OPCML: variants seen among roughly 807,000 people sequenced by gnomAD.
The protein encoded by OPCML is opioid-binding protein/cell adhesion molecule.
OPCML carries 13 observed loss-of-function variants against 37.8 expected under a neutral mutation model. The ratio of observed to expected loss-of-function variants is 0.34; its 90% confidence interval spans 0.22 to 0.55. The LOEUF (loss-of-function observed/expected upper bound fraction) is 0.55, where lower values mean the gene tolerates loss of function less well. OPCML is among the 20% of genes least tolerant of loss of function. The probability of loss-of-function intolerance (pLI) is 0.91; values close to 1 mark genes in which losing one functional copy is unlikely to be tolerated. For missense variants in OPCML, 341 were observed against 435.6 expected (o/e 0.78, Z 1.93); for synonymous variants, 176 against 168.8 (o/e 1.04, Z -0.33).
intron 1 of OPCML, among the ~76,000 whole-genome samples, chr11:132,961,504 T>G (rs1946093203): frequency 6.6e-6 from 1 of 152,172 alleles, no homozygotes; most frequent in Non-Finnish European, 1.5e-5. Flanking sequence ...TTCGTAGATG[T>G]AGCAAGGAGA....
chr11:133,036,825 T>C (rs1947792499), intron 1 of OPCML, among the ~76,000 whole-genome samples: 1 of 152,192 alleles, frequency 6.6e-6, no homozygotes. Context: ...GAGGGCAGCC[T>C]GGTTTATTGG....
At chr11:132,848,520 C>T (rs1039029214) in intron 2 of OPCML, among the ~76,000 whole-genome samples, 1 of 152,194 alleles carries the variant, frequency 6.6e-6, no homozygotes, top group African/African-American at 2.4e-5. Context: ...TGTGCTTGGG[C>T]TCTGACCACA....
At chr11:133,214,474 T>G (rs1303307516) in intron 1 of OPCML, among the ~76,000 whole-genome samples, 1 of 152,216 alleles carries the variant, frequency 6.6e-6, no homozygotes, top group Non-Finnish European at 1.5e-5. Flanking sequence ...AAATTATTTT[T>G]TCGTAATGTT....
At chr11:132,535,711 G>A (rs1429988462) in intron 3 of OPCML, among the ~76,000 whole-genome samples, 2 of 152,124 alleles carry the variant, frequency 1.3e-5, no homozygotes, top group African/African-American at 4.8e-5. Context: ...CACTGGCCTT[G>A]GGGTCACACA....
chr11:133,379,664 G>T lies in OPCML; in HGVS notation c.61+152600C>A, dbSNP rs146241716. Reference sequence around the variant, plus strand: ...CTCTGTGCCGTTTCTCTAAAGTTAGGCTAAGTTCAGTATTTTGCAAGCTAT... The same window carrying T: ...CTCTGTGCCGTTTCTCTAAAGTTAGTCTAAGTTCAGTATTTTGCAAGCTAT... On this transcript the variant is annotated intron_variant, in intron 1 of 7. Coordinates refer to ENST00000524381, the MANE Select transcript of OPCML (RefSeq NM_001012393.5). Among the ~76,000 whole-genome samples, 9 of 152,210 alleles carry T rather than the reference G, an allele frequency of 5.9e-5. No individual in the cohort carries two copies. The East Asian group carries it at 1.5e-3, about 26-fold the overall frequency.
At position 133,488,713 on chromosome 11, in the gene OPCML, T is replaced by TA. The variant is rs564985389; in HGVS notation, c.61+43550dup. 2.4e-3 allele frequency among the ~76,000 whole-genome samples: 365 copies of TA among 152,132 alleles called. 1 individual carries two copies. The highest frequency in any genetic ancestry group is 6.8e-3 in the Middle Eastern group (2 of 294). On this transcript the variant is annotated intron_variant, in intron 1 of 7. Coordinates refer to ENST00000524381, the MANE Select transcript of OPCML (RefSeq NM_001012393.5). ...ACCAATGTCATTTTTCGCAGAATTA[T>TA]AAAAAACAATGCTAAATCTTATATG...
chr11:132,657,648 T>C (rs2135774530), intron 2 of OPCML, among the ~76,000 whole-genome samples: 1 of 152,274 alleles, frequency 6.6e-6, no homozygotes, highest in Non-Finnish European at 1.5e-5. Flanking sequence ...ATTTACCACC[T>C]TGGGGAAGAA....
chr11:132,436,351 T>C (rs1369504266), intron 6 of OPCML, 114 bp from the exon 7 acceptor site: 2 of 1,584,578 alleles, frequency 1.3e-6, no homozygotes, highest in African/African-American at 2.7e-5. Flanking sequence ...AGCACTTCAG[T>C]GTCCAACAGG....
At position 132,923,249 on chromosome 11, in the gene OPCML, C is replaced by G. The variant is rs545005540; in HGVS notation, c.146+19677G>C. Among the ~76,000 whole-genome samples, 103 of 151,886 alleles carry G rather than the reference C, an allele frequency of 6.8e-4. 1 individual carries two copies. The highest frequency in any genetic ancestry group is 2.4e-3 in the African/African-American group (98 of 41,438). ...TAAAAAGGTCAGACACATTTTTTTC[C>G]AAAAAATAGTGCACCAAACTAGTTT... On this transcript the variant is annotated intron_variant, in intron 2 of 7. Transcript: ENST00000524381.
chr11:133,140,513 AAATAATAAT>A (rs377272496), intron 1 of OPCML, among the ~76,000 whole-genome samples: 10 of 95,932 alleles, frequency 1.0e-4, no homozygotes, highest in South Asian at 4.9e-4. Flanking sequence ...CTCTGTCTCA[AAATAATAAT>A]AATAATAATA....
intron 2 of OPCML, among the ~76,000 whole-genome samples, chr11:132,712,866 A>G (rs1944323167): frequency 6.6e-6 from 1 of 152,184 alleles, no homozygotes; most frequent in African/African-American, 2.4e-5. Flanking sequence ...AAATAATTAT[A>G]AAGTACATTT....
At chr11:133,117,616 G>A (rs1017828046) in intron 1 of OPCML, among the ~76,000 whole-genome samples, 7 of 152,168 alleles carry the variant, frequency 4.6e-5, no homozygotes. Context: ...TCATGTGAGA[G>A]CCTGATTTTA....
At chr11:132,752,207 T>C (rs144308205) in intron 2 of OPCML, among the ~76,000 whole-genome samples, 2 of 152,108 alleles carry the variant, frequency 1.3e-5, no homozygotes, top group East Asian at 3.9e-4. Context: ...TGCTAATTAA[T>C]TGTGTATTTT....
chr11:133,505,874 C>A (rs900417532), intron 1 of OPCML, among the ~76,000 whole-genome samples: 1 of 152,126 alleles, frequency 6.6e-6, no homozygotes, highest in Non-Finnish European at 1.5e-5. Context: ...CACTCCCGGC[C>A]GACCTTCCTC....
intron 2 of OPCML, among the ~76,000 whole-genome samples, chr11:132,726,980 A>T (rs1256767999): frequency 2.0e-5 from 3 of 152,122 alleles, no homozygotes; most frequent in Non-Finnish European, 4.4e-5. Context: ...CCCTGACCCC[A>T]TGCGGAATGA....
intron 1 of OPCML, among the ~76,000 whole-genome samples, chr11:133,225,863 G>T (rs1940015387): frequency 6.6e-6 from 1 of 152,234 alleles, no homozygotes; most frequent in African/African-American, 2.4e-5. Flanking sequence ...ACAACACGTA[G>T]TAACTATAGT....
chr11:133,516,145 G>T (rs1241706810), intron 1 of OPCML, among the ~76,000 whole-genome samples: 1 of 152,164 alleles, frequency 6.6e-6, no homozygotes, highest in Admixed American at 6.5e-5. Context: ...CCCCGCAGAG[G>T]GAGAGCAAGG....
intron 2 of OPCML, among the ~76,000 whole-genome samples, chr11:132,678,009 G>A (rs1484966785): frequency 6.6e-6 from 1 of 152,088 alleles, no homozygotes; most frequent in African/African-American, 2.4e-5. Context: ...CTCAGTTAAA[G>A]GGCTGTCATC....
chr11:133,411,878 A>T (rs140242671), intron 1 of OPCML, among the ~76,000 whole-genome samples: 10 of 152,160 alleles, frequency 6.6e-5, no homozygotes, highest in Non-Finnish European at 4.4e-5. Context: ...ATGGATTTGC[A>T]TGTAAGATAA....
Sources: gnomAD v4.1 joint callset for allele counts (sites outside exome capture counted in the v4.1 genomes callset) on GRCh38, gnomAD v4.1.1 for gene constraint, MANE v1.5 for transcripts, NCBI Gene and HGNC (gene_info 2026-07-23, HGNC 2026-07-21) for gene names.